Variants in TP63 observed in about 807,000 individuals in gnomAD.
TP63 encodes tumor protein p63, also known as tumor protein 63.
In TP63, 17 loss-of-function variants were observed where a neutral mutation model predicts 82.8. That is an observed-to-expected ratio of 0.21 (90% confidence interval 0.14 to 0.31). TP63 has a LOEUF of 0.31. Ranked by LOEUF, TP63 falls within the 10% of genes least tolerant of loss-of-function variation. The pLI is 1.00. For synonymous variants in TP63, 330 were observed against 321.7 expected, an observed-to-expected ratio of 1.03 and a Z score of -0.28; for missense variants, 648 against 895.3, an observed-to-expected ratio of 0.72 and a Z score of 3.52.
chr3:189,657,822 A>T (rs947380652), intron 1 of TP63, among the ~76,000 whole-genome samples: 1 of 152,114 alleles, frequency 6.6e-6, no homozygotes, highest in Non-Finnish European at 1.5e-5. Flanking sequence ...ATACTTTCAT[A>T]TTTCCTTGCT....
the TP63 span, among the ~76,000 whole-genome samples, chr3:189,605,382 TCA>T: frequency 6.6e-6 from 1 of 152,222 alleles, no homozygotes; most frequent in Non-Finnish European, 1.5e-5. Flanking sequence ...CAAGAATATC[TCA>T]GTTATTCCCC....
chr3:189,859,581 A>G (rs537740272), intron 4 of TP63, among the ~76,000 whole-genome samples: 6 of 152,320 alleles, frequency 3.9e-5, no homozygotes, highest in African/African-American at 1.4e-4. Flanking sequence ...AAGGATATGA[A>G]GTCCTCATAT....
chr3:189,654,194 A>C (rs773924434), intron 1 of TP63, among the ~76,000 whole-genome samples: 1 of 152,166 alleles, frequency 6.6e-6, no homozygotes, highest in Non-Finnish European at 1.5e-5. Flanking sequence ...ATCCCACTAA[A>C]CATTTGAAAC....
chr3:189,760,128 G>T (rs1722462259), intron 3 of TP63, among the ~76,000 whole-genome samples: 1 of 152,110 alleles, frequency 6.6e-6, no homozygotes, highest in South Asian at 2.1e-4. Flanking sequence ...TTTGGGTGGG[G>T]ATGCAGAACC....
At chr3:189,835,278 A>C (rs1014109898) in intron 4 of TP63, among the ~76,000 whole-genome samples, 7 of 152,228 alleles carry the variant, frequency 4.6e-5, no homozygotes, top group Non-Finnish European at 8.8e-5. Flanking sequence ...TCCTAATGAT[A>C]AAAGGCTAAA....
At position 189,789,853 on chromosome 3, in the gene TP63, T is replaced by G; in HGVS notation, c.325-18419T>G. On this transcript the variant is annotated intron_variant, in intron 3 of 13. Transcript: ENST00000264731. Reference sequence around the variant, plus strand: ...ACTCAATTTAGTGAGGTAAGGATTTTAGATTTTAGCACTCCATTTAGAGAT... The same window carrying G: ...ACTCAATTTAGTGAGGTAAGGATTTGAGATTTTAGCACTCCATTTAGAGAT... The G allele has an allele frequency of 1.9e-6, 3 of 1,582,714 alleles. No individual in the cohort carries two copies. The East Asian group carries it at 6.9e-5, about 36-fold the overall frequency.
At chr3:189,873,415 A>C (rs1718677397) in intron 10 of TP63, 2 of 267,068 alleles carry the variant, frequency 7.5e-6, no homozygotes, top group South Asian at 4.4e-5. Context: ...TGGGAATAAC[A>C]CTGTAGACCA....
intron 3 of TP63, among the ~76,000 whole-genome samples, chr3:189,742,695 C>T (rs1448916471): frequency 6.6e-6 from 1 of 152,184 alleles, no homozygotes; most frequent in Non-Finnish European, 1.5e-5. Flanking sequence ...TAGGTCTAGC[C>T]ATAACAATTT....
the TP63 span, among the ~76,000 whole-genome samples, chr3:189,621,495 A>G: frequency 3.3e-5 from 5 of 152,060 alleles, no homozygotes; most frequent in African/African-American, 1.2e-4. Context: ...TTTATTATAC[A>G]TGTTACACTA....
At chr3:189,752,803 A>G (rs1469801081) in intron 3 of TP63, among the ~76,000 whole-genome samples, 4 of 152,040 alleles carry the variant, frequency 2.6e-5, no homozygotes, top group South Asian at 2.1e-4. Flanking sequence ...TAAGTTTTCT[A>G]TTAGACACTG....
chr3:189,757,853 A>T (rs1722301326), intron 3 of TP63, among the ~76,000 whole-genome samples: 1 of 152,128 alleles, frequency 6.6e-6, no homozygotes, highest in East Asian at 1.9e-4. Context: ...GCACCAGGGA[A>T]AGGCAGTCTC....
At chr3:189,738,052 A>G (rs1351568035) in intron 2 of TP63, among the ~76,000 whole-genome samples, 184 bp downstream of exon 2, 2 of 152,194 alleles carry the variant, frequency 1.3e-5, no homozygotes, top group East Asian at 1.9e-4. Flanking sequence ...TTCTAACACC[A>G]AAAGATCCTT....
chr3:189,870,183 T>A (rs753557015), intron 9 of TP63, among the ~76,000 whole-genome samples: 1 of 152,218 alleles, frequency 6.6e-6, no homozygotes, highest in Non-Finnish European at 1.5e-5. Flanking sequence ...AATGATAGCC[T>A]TGACTTTGAT....
intron 1 of TP63, among the ~76,000 whole-genome samples, chr3:189,631,884 G>C (rs1395451918): frequency 6.6e-6 from 1 of 152,058 alleles, no homozygotes; most frequent in African/African-American, 2.4e-5. Context: ...CACTCAATAA[G>C]AAATTTCACT....
At chr3:189,852,176 T>A (rs1715720479) in intron 4 of TP63, among the ~76,000 whole-genome samples, 1 of 152,234 alleles carries the variant, frequency 6.6e-6, no homozygotes, top group South Asian at 2.1e-4. Context: ...CCACAGTTGT[T>A]GGTGTTGGAC....
chr3:189,799,343 A>C (rs1726045085), intron 3 of TP63, among the ~76,000 whole-genome samples: 1 of 152,070 alleles, frequency 6.6e-6, no homozygotes, highest in African/African-American at 2.4e-5. Context: ...TATCTACCAG[A>C]AACTAAATGT....
chr3:189,604,320 C>T, the TP63 span, among the ~76,000 whole-genome samples: 1 of 152,170 alleles, frequency 6.6e-6, no homozygotes, highest in Non-Finnish European at 1.5e-5. Flanking sequence ...GAGAGGTGCT[C>T]ATTAAATTCT....
chr3:189,625,204 A>G, the TP63 span, among the ~76,000 whole-genome samples: 2 of 152,218 alleles, frequency 1.3e-5, no homozygotes, highest in African/African-American at 2.4e-5. Context: ...CTTGACATTT[A>G]AATGTTTTAG....
chr3:189,613,467 G>T, the TP63 span, among the ~76,000 whole-genome samples: 1 of 152,244 alleles, frequency 6.6e-6, no homozygotes, highest in Non-Finnish European at 1.5e-5. Context: ...TGCCCAGGAA[G>T]AAGTTTGCTG....
Sources: gnomAD v4.1 joint callset for allele counts (sites outside exome capture counted in the v4.1 genomes callset) on GRCh38, gnomAD v4.1.1 for gene constraint, MANE v1.5 for transcripts, NCBI Gene and HGNC (gene_info 2026-07-23, HGNC 2026-07-21) for gene names.